The following WWOX variants were observed in gnomAD, a reference collection of about 807,000 sequenced individuals.
WWOX encodes the protein WW domain-containing oxidoreductase.
Under a neutral mutation model 46.2 loss-of-function variants are expected in WWOX, and 69 were observed. That is an observed-to-expected ratio of 1.49 (90% CI 1.23 to 1.82). The LOEUF is 1.82. WWOX is among the 40% of genes most tolerant of loss of function. The probability of loss-of-function intolerance (pLI) is 0.00; values close to 1 mark genes in which losing one functional copy is unlikely to be tolerated. For synonymous variants in WWOX, 359 were observed against 202.6 expected, an observed-to-expected ratio of 1.77 and a Z score of -6.56; for missense variants, 919 against 542.6, an observed-to-expected ratio of 1.69 and a Z score of -6.89.
chr16:79,088,997 A>AACAT (rs1170038375), intron 8 of WWOX, among the ~76,000 whole-genome samples: 15 of 152,166 alleles, frequency 9.9e-5, no homozygotes, highest in African/African-American at 3.1e-4. Context: ...ATGTACCTTG[A>AACAT]ACATAGCTGT....
chr16:78,947,861 T>A (rs923651475), intron 8 of WWOX, among the ~76,000 whole-genome samples: 4 of 152,220 alleles, frequency 2.6e-5, no homozygotes, highest in African/African-American at 9.6e-5. Flanking sequence ...CCAGAGTGGC[T>A]TGTAAGCATC....
chr16:78,706,538 A>G (rs2048331723), intron 8 of WWOX, among the ~76,000 whole-genome samples: 1 of 152,124 alleles, frequency 6.6e-6, no homozygotes, highest in African/African-American at 2.4e-5. Flanking sequence ...TTCGTCAACT[A>G]CAAAGAAGCT....
chr16:78,645,295 C>A (rs1379121540), intron 8 of WWOX, among the ~76,000 whole-genome samples: 1 of 152,072 alleles, frequency 6.6e-6, no homozygotes, highest in Admixed American at 6.6e-5. Context: ...TCCTGACCAT[C>A]TGTGTTTTTT....
intron 8 of WWOX, among the ~76,000 whole-genome samples, chr16:78,514,000 G>A (rs1295609516): frequency 2.6e-5 from 4 of 150,984 alleles, no homozygotes; most frequent in African/African-American, 9.8e-5. Context: ...TTCACACAGT[G>A]TTGCGAAAGA....
intron 8 of WWOX, among the ~76,000 whole-genome samples, chr16:79,107,952 A>T (rs2049343091): frequency 2.6e-5 from 4 of 152,264 alleles, no homozygotes. Flanking sequence ...GAATAAAATT[A>T]AGTGAAAAGA....
At chr16:78,579,529 G>C (rs1328123642) in intron 8 of WWOX, among the ~76,000 whole-genome samples, 2 of 152,106 alleles carry the variant, frequency 1.3e-5, no homozygotes, top group Admixed American at 6.5e-5. Flanking sequence ...CGAGAGAGAA[G>C]GATGCTAGGT....
intron 8 of WWOX, among the ~76,000 whole-genome samples, chr16:79,034,008 G>C (rs566266134): frequency 6.6e-6 from 1 of 152,328 alleles, no homozygotes; most frequent in Non-Finnish European, 1.5e-5. Flanking sequence ...CATTCCTGGG[G>C]AAAGTAGTTA....
chr16:78,403,212 T>A (rs1283755278), intron 6 of WWOX, among the ~76,000 whole-genome samples: 1 of 152,236 alleles, frequency 6.6e-6, no homozygotes, highest in Non-Finnish European at 1.5e-5. Context: ...TTTTTCTTAT[T>A]GTTTGTAAGT....
At chr16:78,335,202 C>T (rs941554377) in intron 5 of WWOX, among the ~76,000 whole-genome samples, 3 of 152,186 alleles carry the variant, frequency 2.0e-5, no homozygotes, top group East Asian at 1.9e-4. Flanking sequence ...TCATCTGCCA[C>T]GGTGGTTTGC....
At chr16:78,245,800 G>C (rs111894205) in intron 5 of WWOX, among the ~76,000 whole-genome samples, 1 of 152,056 alleles carries the variant, frequency 6.6e-6, no homozygotes, top group African/African-American at 2.4e-5. Flanking sequence ...ATTCTTCCTC[G>C]ACAATAGCTG....
chr16:78,781,293 C>G (rs1047550530), intron 8 of WWOX, among the ~76,000 whole-genome samples: 1 of 152,064 alleles, frequency 6.6e-6, no homozygotes, highest in Admixed American at 6.6e-5. Context: ...AATTCTGCAC[C>G]TCAATTTCTA....
At chr16:79,133,717 G>A (rs1410070257) in intron 8 of WWOX, among the ~76,000 whole-genome samples, 1 of 152,170 alleles carries the variant, frequency 6.6e-6, no homozygotes, top group African/African-American at 2.4e-5. Context: ...AAGCCAGCAA[G>A]TGTTCTACCA....
chr16:78,878,024 T>C (rs1476294830), intron 8 of WWOX, among the ~76,000 whole-genome samples: 1 of 152,188 alleles, frequency 6.6e-6, no homozygotes, highest in East Asian at 1.9e-4. Context: ...TCCCTTCTCT[T>C]TGCGTCACCA....
At chr16:78,634,359 C>T (rs2046512555) in intron 8 of WWOX, among the ~76,000 whole-genome samples, 1 of 152,120 alleles carries the variant, frequency 6.6e-6, no homozygotes, top group Non-Finnish European at 1.5e-5. Flanking sequence ...CACTTATTCC[C>T]TCATTCAGGC....
intron 8 of WWOX, among the ~76,000 whole-genome samples, chr16:78,474,728 A>G (rs576523714): frequency 6.6e-4 from 101 of 152,088 alleles, no homozygotes; most frequent in African/African-American, 2.1e-3. Flanking sequence ...TTTACCTCCC[A>G]TTCTCCACTT....
chr16:78,745,866 A>T (rs1052284591), intron 8 of WWOX, among the ~76,000 whole-genome samples: 1 of 151,506 alleles, frequency 6.6e-6, no homozygotes, highest in African/African-American at 2.4e-5. Flanking sequence ...AGTTTGGAAA[A>T]AGCACATTGT....
chr16:78,669,930 T>C (rs1168440530), intron 8 of WWOX, among the ~76,000 whole-genome samples: 3 of 152,222 alleles, frequency 2.0e-5, no homozygotes, highest in Non-Finnish European at 2.9e-5. Context: ...CACAATCTTA[T>C]TAATAGAACA....
At chr16:78,341,704 T>C (rs114853156) in intron 5 of WWOX, among the ~76,000 whole-genome samples, 27,199 of 119,282 alleles carry the variant, frequency 0.23, 8,718 homozygotes, top group African/African-American at 0.38. Context: ...AGACATAGCA[T>C]CGAGTGTGGA....
At chr16:78,203,645 C>T (rs1214599516) in intron 5 of WWOX, among the ~76,000 whole-genome samples, 1 of 152,062 alleles carries the variant, frequency 6.6e-6, no homozygotes, top group Non-Finnish European at 1.5e-5. Flanking sequence ...ATTCTTGCGA[C>T]CACAGGTAGG....
Sources: gnomAD v4.1 joint callset for allele counts (sites outside exome capture counted in the v4.1 genomes callset) on GRCh38, gnomAD v4.1.1 for gene constraint, MANE v1.5 for transcripts, NCBI Gene and HGNC (gene_info 2026-07-23, HGNC 2026-07-21) for gene names.